RNF212B: variants seen among roughly 807,000 people sequenced by gnomAD.
RNF212B encodes ring finger protein 212B.
In RNF212B, 52 loss-of-function variants were observed where a neutral mutation model predicts 55.5. The observed-to-expected ratio is 0.94, with a 90% confidence interval of 0.75 to 1.18. The LOEUF (loss-of-function observed/expected upper bound fraction) is 1.18, where lower values mean the gene tolerates loss of function less well. Among genes scored for constraint, RNF212B ranks in the 50% most tolerant of loss-of-function variants. The pLI is 0.00. For synonymous variants in RNF212B, 99 were observed against 121.4 expected (o/e 0.82, Z 1.21); for missense variants, 289 against 350.4 (o/e 0.82, Z 1.40).
chr14:23,211,034 A>G (rs1307762049), intron 2 of RNF212B, among the ~76,000 whole-genome samples: 1 of 151,996 alleles, frequency 6.6e-6, no homozygotes, highest in Admixed American at 6.5e-5. Flanking sequence ...ACTGGCCAAC[A>G]TAGTGAAACC....
In RNF212B at chr14:23,259,902, G is replaced by C; in HGVS notation, c.363G>C (p.Arg121Ser). 1.3e-6 allele frequency: 2 copies of C among 1,520,272 alleles called. No homozygotes were observed. Among genetic ancestry groups the C allele is most frequent in the South Asian group, 1.3e-5 (1 of 78,676 alleles). The allele number at this position is 1,520,272 out of a possible 1,614,324, so 94.2% of individuals were successfully genotyped here. A position where few individuals can be genotyped will look rare whatever the true frequency, so the allele number is the denominator to read the frequency against. The change falls in exon 6 of 15, where the codon AGG becomes AGC. Residue 121 changes from arginine to serine, a missense_variant. Physicochemically the swap from Arg to Ser is moderately radical, Grantham distance 110 (BLOSUM62 -1). Transcript: ENST00000430154. The part of the protein sequence containing the change: ...VSQDKELSVL[R>S]KENGELKKFL... ...TGCCTAGAGAATTGTCAGTCTTAAG[G>C]AAGGAGAATGGAGAACTGAAGAAAT...
At chr14:23,237,373 G>A (rs1327320479), upstream of RNF212B, among the ~76,000 whole-genome samples, 1 of 151,986 alleles carries the variant, frequency 6.6e-6, no homozygotes, top group Non-Finnish European at 1.5e-5. Context: ...CAAGTGATCC[G>A]CCCGCCTCGG....
chr14:23,197,103 G>C (rs1417546063), intron 2 of RNF212B, among the ~76,000 whole-genome samples: 8 of 152,214 alleles, frequency 5.3e-5, no homozygotes, highest in African/African-American at 1.9e-4. Flanking sequence ...CATGTATGTG[G>C]TAACACTTGG....
rs1491382166 is a variant in RNF212B at position 23,232,785 on chromosome 14, G to GGA, written c.-1-7559_-1-7558insAG. Among the ~76,000 whole-genome samples the GGA allele has an allele frequency of 5.1e-3, 389 of 76,816 alleles. 5 individuals carry two copies. Among genetic ancestry groups the GGA allele is most frequent in the Non-Finnish European group, 7.4e-3 (281 of 37,744 alleles). The allele number at this position is 76,816 out of a possible 152,430, so 50.4% of individuals were successfully genotyped here. On this transcript the variant is annotated intron_variant, in intron 2 of 15. Coordinates refer to the RNF212B transcript ENST00000399910. ...CAGCCGCCCCGTCTGGGAGGGAGGT[G>GGA]GGGGGGGGGTCAGCCTCTGCCCGGC... is the stretch of plus-strand genomic sequence containing the variant.
chr14:23,244,354 T>C lies in RNF212B; in HGVS notation c.186T>C (p.Ser62=), dbSNP rs1234576268. Residue 62 remains serine (S), a synonymous_variant, in exon 4 of 15, where the codon AGT becomes AGC. Transcript: ENST00000430154. ...CTCAGGAGAAGATGTTTTTCAAAAG[T>C]CCTGTGGAGACAGCTTTGCAGTATT... ...LKPQEKMFFK[S]PVETALQYFS... 1.3e-6 allele frequency: 2 copies of C among 1,547,272 alleles called. No individual in the cohort carries two copies. Among genetic ancestry groups the C allele is most frequent in the East Asian group, 2.4e-5 (1 of 40,882 alleles).
intron 4 of RNF212B, among the ~76,000 whole-genome samples, chr14:23,256,803 C>T (rs1249796376): frequency 6.6e-6 from 1 of 152,238 alleles, no homozygotes; most frequent in Non-Finnish European, 1.5e-5. Context: ...CCACCCACTT[C>T]AGCCTTTCAG....
intron 2 of RNF212B, among the ~76,000 whole-genome samples, chr14:23,205,316 T>C (rs1256344282): frequency 4.2e-5 from 2 of 47,208 alleles, no homozygotes; most frequent in South Asian, 6.8e-4. Flanking sequence ...AAGGACACCC[T>C]TTTTTTTTTT....
chr14:23,249,382 C>CA (rs1006408421), intron 4 of RNF212B, among the ~76,000 whole-genome samples: 5 of 152,020 alleles, frequency 3.3e-5, no homozygotes, highest in Non-Finnish European at 5.9e-5. Flanking sequence ...CCCTTCACTA[C>CA]AAAAAATTTA....
At chr14:23,239,713 G>A (rs1008065818) in intron 1 of RNF212B, among the ~76,000 whole-genome samples, 1 of 151,814 alleles carries the variant, frequency 6.6e-6, no homozygotes, top group Non-Finnish European at 1.5e-5. Flanking sequence ...CTGCCTCCTG[G>A]GTTCAAGTGA....
At chr14:23,255,029 G>A (rs904978311) in intron 4 of RNF212B, among the ~76,000 whole-genome samples, 1 of 151,976 alleles carries the variant, frequency 6.6e-6, no homozygotes, top group Non-Finnish European at 1.5e-5. Context: ...CAGTTCATCT[G>A]ATCTTCCAAG....
chr14:23,214,610 T>C (rs1196879704), intron 2 of RNF212B, among the ~76,000 whole-genome samples: 4 of 150,044 alleles, frequency 2.7e-5, no homozygotes, highest in East Asian at 3.9e-4. Flanking sequence ...TTAAACTTCA[T>C]TGGATAGGAT....
At chr14:23,263,789 A>C (rs536463464) in intron 9 of RNF212B, among the ~76,000 whole-genome samples, 7 of 152,106 alleles carry the variant, frequency 4.6e-5, no homozygotes, top group Non-Finnish European at 1.0e-4. Context: ...AACAACATAT[A>C]AAGCTAGGTT....
intron 2 of RNF212B, among the ~76,000 whole-genome samples, chr14:23,197,632 T>C (rs1288855979): frequency 6.6e-6 from 1 of 151,930 alleles, no homozygotes; most frequent in African/African-American, 2.4e-5. Flanking sequence ...AAAAATATTG[T>C]ATAATAAAGA....
chr14:23,234,159 C>CT (rs974270125), upstream of RNF212B, among the ~76,000 whole-genome samples: 14 of 148,664 alleles, frequency 9.4e-5, no homozygotes, highest in South Asian at 4.3e-4. Flanking sequence ...CTGTTGGTCT[C>CT]TTTTTTTTTT....
At chr14:23,265,690 CTCTT>C (rs1445628501) in intron 11 of RNF212B, among the ~76,000 whole-genome samples, 3 of 152,168 alleles carry the variant, frequency 2.0e-5, no homozygotes, top group African/African-American at 7.2e-5. Flanking sequence ...GAGTCTTTTC[CTCTT>C]TCTTTGTCAA....
At chr14:23,217,248 GCAGTGGT>G (rs1881172027) in intron 2 of RNF212B, among the ~76,000 whole-genome samples, 2 of 20,494 alleles carry the variant, frequency 9.8e-5, no homozygotes, top group African/African-American at 1.5e-4. Context: ...GGCAGTGGTG[GCAGTGGT>G]GGGGGGGGGG....
chr14:23,254,291 ACAAAAC>A (rs753080467), intron 4 of RNF212B, among the ~76,000 whole-genome samples: 8 of 99,862 alleles, frequency 8.0e-5, no homozygotes, highest in Middle Eastern at 5.5e-3. Flanking sequence ...TATCTCAAAA[ACAAAAC>A]AAAACAAAAC....
chr14:23,254,356 T>C (rs759186271), intron 4 of RNF212B, among the ~76,000 whole-genome samples: 5 of 150,714 alleles, frequency 3.3e-5, no homozygotes, highest in Non-Finnish European at 5.9e-5. Context: ...AAACTAAAAC[T>C]GGGCATGGTG....
chr14:23,242,098 AAAAAAAAAAG>A (rs1446307195), intron 2 of RNF212B, among the ~76,000 whole-genome samples: 3 of 126,100 alleles, frequency 2.4e-5, no homozygotes, highest in Admixed American at 7.6e-5. Context: ...AAAAAAAAAA[AAAAAAAAAAG>A]AAAAGAAAAA....
Sources: gnomAD v4.1 joint callset for allele counts (sites outside exome capture counted in the v4.1 genomes callset) on GRCh38, gnomAD v4.1.1 for gene constraint, MANE v1.5 for transcripts, NCBI Gene and HGNC (gene_info 2026-07-23, HGNC 2026-07-21) for gene names.